Variants in CDH15 observed in about 807,000 individuals in gnomAD.
CDH15 encodes the protein cadherin-15.
CDH15 carries 73 observed loss-of-function variants against 69.4 expected under a neutral mutation model. The observed-to-expected ratio is 1.05, with a 90% CI of 0.87 to 1.28. CDH15 has a LOEUF of 1.28. CDH15 is among the 50% of genes most tolerant of loss of function. The pLI is 0.00. For synonymous variants in CDH15, 624 were observed against 507.7 expected (o/e 1.23, Z -3.08); for missense variants, 1,343 against 1,133.6 (o/e 1.18, Z -2.65).
chr16:89,180,034 G>T (rs867929754), intron 2 of CDH15, among the ~76,000 whole-genome samples, 166 bp from the exon 3 acceptor site: 1 of 152,218 alleles, frequency 6.6e-6, no homozygotes, highest in Non-Finnish European at 1.5e-5. Flanking sequence ...AGGCTGAGCT[G>T]TCCCCAGCCC....
chr16:89,176,427 G>A (rs553308823), intron 1 of CDH15, among the ~76,000 whole-genome samples: 4 of 152,272 alleles, frequency 2.6e-5, no homozygotes, highest in African/African-American at 9.6e-5. Flanking sequence ...CCCGGTTCTC[G>A]GTGCTCCATT....
Position 89,191,701 on chromosome 16 carries a change from G to T in CDH15, c.1422G>T (p.Leu474=). 6.2e-7 allele frequency: 1 copy of T among 1,603,006 alleles called. No individual in the cohort carries two copies. The part of the protein sequence containing the change: ...TATGTLSIEI[L]EVNDHAPVLA... ...CCGGCACCCTGTCCATCGAGATCCT[G>T]GAGGTGAACGACCATGCACCTGTGC... The change falls in exon 10 of 14, where the codon CTG becomes CTT. Residue 474 remains leucine, a synonymous_variant. Coordinates refer to ENST00000289746, the MANE Select transcript of CDH15 (RefSeq NM_004933.3).
Position 89,192,458 on chromosome 16 carries a change from C to A in CDH15, c.1855+14C>A. The A allele has an allele frequency of 6.4e-7, 1 of 1,563,398 alleles. No homozygotes were observed. Among genetic ancestry groups the A allele is most frequent in the Non-Finnish European group, 8.6e-7 (1 of 1,162,482 alleles). On this transcript the variant is annotated intron_variant, in intron 11 of 13. Coordinates refer to ENST00000289746, the MANE Select transcript of CDH15 (RefSeq NM_004933.3). The stretch of plus-strand genomic sequence containing the variant: ...TCCTGCTGCTGGGTGAGTGAGCGCC[C>A]CGCCTCCACCTGGACCCTCGGACCC...
At chr16:89,193,680 C>CA in intron 12 of CDH15, 74 bp downstream of exon 12, 1 of 1,569,738 alleles carries the variant, frequency 6.4e-7, no homozygotes, top group Non-Finnish European at 8.6e-7. Flanking sequence ...ACAAGCTGGC[C>CA]AGGAGCCTGT....
At chr16:89,191,918 TC>T (rs1369569869) in intron 10 of CDH15, 24 bp downstream of exon 10, 5 of 1,522,812 alleles carry the variant, frequency 3.3e-6, no homozygotes, top group Non-Finnish European at 2.6e-6. Flanking sequence ...ACCGCCGCGC[TC>T]CCCCCATCCC....
chr16:89,181,083 C>T (rs941506861), intron 3 of CDH15, among the ~76,000 whole-genome samples: 1 of 151,886 alleles, frequency 6.6e-6, no homozygotes, highest in African/African-American at 2.4e-5. Context: ...AATTCTCCTG[C>T]TTCAGCCTCC....
chr16:89,188,304 G>A lies in CDH15; in HGVS notation c.978+19G>A, dbSNP rs1915540264. The A allele has an allele frequency of 6.2e-7, 1 of 1,608,674 alleles. No homozygotes were observed. Among genetic ancestry groups the A allele is most frequent in the African/African-American group, 1.3e-5 (1 of 74,930 alleles). ...TGTGAAGGTGAGCGGCCCCCGGCTG[G>A]CACACAGATGCCGGCAGACGCAGAT... On this transcript the variant is annotated intron_variant, in intron 7 of 13. Coordinates refer to ENST00000289746, the MANE Select transcript of CDH15 (RefSeq NM_004933.3).
intron 6 of CDH15, 45 bp downstream of exon 6, chr16:89,187,602 T>G (rs759986408): frequency 1.2e-5 from 20 of 1,610,962 alleles, no homozygotes; most frequent in African/African-American, 1.3e-5. Context: ...TGCTTAGAGC[T>G]GCCTTCCCTT....
At chr16:89,186,081 G>T (rs1440499517) in intron 5 of CDH15, 1 of 142,770 alleles carries the variant, frequency 7.0e-6, no homozygotes, top group African/African-American at 2.7e-5. Context: ...CTCTGTAAAC[G>T]CTTACCCAGC....
intron 1 of CDH15, among the ~76,000 whole-genome samples, chr16:89,175,896 C>T (rs773606532): frequency 5.3e-5 from 8 of 152,346 alleles, no homozygotes; most frequent in African/African-American, 1.7e-4. Flanking sequence ...TCCTGCTGGC[C>T]GAGGACCAAG....
At chr16:89,190,958 C>G (rs775071939) in intron 8 of CDH15, among the ~76,000 whole-genome samples, 2 of 152,024 alleles carry the variant, frequency 1.3e-5, no homozygotes, top group Non-Finnish European at 2.9e-5. Flanking sequence ...GTGCTGGTGA[C>G]TGCAGCTCCC....
Position 89,179,278 on chromosome 16 carries a change from G to A in CDH15, c.43-138G>A. On this transcript the variant is annotated intron_variant, in intron 1 of 13. Transcript: ENST00000289746. ...CAGCCCCGTGTGTGGAAGCCGCCTT[G>A]CGCCAATGGGCACCGACCCGTGGGC... 3 of 951,120 alleles carry A rather than the reference G, an allele frequency of 3.2e-6. No homozygotes were observed. The South Asian group carries it at 4.5e-5, about 14-fold the overall frequency. 58.9% of individuals were successfully genotyped at this position (951,120 alleles called of 1,614,324 possible). A position where few individuals can be genotyped will look rare whatever the true frequency, so the allele number is the denominator to read the frequency against.
chr16:89,195,306 G>A lies in CDH15; in HGVS notation c.*151G>A. 1.3e-6 allele frequency: 1 copy of A among 798,090 alleles called. No homozygotes were observed. Among genetic ancestry groups the A allele is most frequent in the Non-Finnish European group, 1.9e-6 (1 of 521,062 alleles). 49.4% of individuals were successfully genotyped at this position (798,090 alleles called of 1,614,324 possible). On this transcript the variant is annotated 3_prime_UTR_variant, in exon 14 of 14. Transcript: ENST00000289746. ...GCCCAAGTCTGGGGGCAGAACCTGA[G>A]TGTGGATGGGGCGGCCAGGAAGAGG...
chr16:89,185,412 GC>G, intron 5 of CDH15, 79 bp downstream of exon 5: 2 of 1,460,026 alleles, frequency 1.4e-6, no homozygotes, highest in Non-Finnish European at 1.9e-6. Context: ...CCCCCAGCCT[GC>G]CCACCCCAGA....
At position 89,192,869 on chromosome 16, in the gene CDH15, G is replaced by C. The variant is rs116961131; in HGVS notation, c.1855+425G>C. Among the ~76,000 whole-genome samples, 184 of 60,610 alleles carry C rather than the reference G, an allele frequency of 3.0e-3. 7 individuals carry two copies. The highest frequency in any genetic ancestry group is 0.01 in the African/African-American group (146 of 14,514). 39.8% of individuals were successfully genotyped at this position (60,610 alleles called of 152,430 possible). On this transcript the variant is annotated intron_variant, in intron 11 of 13. Transcript: ENST00000289746. ...CCCGCCCCTCAGTACCAGCCACGCC[G>C]CTTCCTCCCCAGCTCCTCCTCCTCC... is the stretch of plus-strand genomic sequence containing the variant.
intron 3 of CDH15, 45 bp downstream of exon 3, chr16:89,180,400 G>C: frequency 1.3e-6 from 2 of 1,593,356 alleles, no homozygotes; most frequent in South Asian, 2.3e-5. Flanking sequence ...AGCAGGCCTG[G>C]TGGAAAGCCA....
In CDH15 at chr16:89,185,156, C is replaced by G; in HGVS notation, c.503-17C>G. On this transcript the variant is annotated splice_polypyrimidine_tract_variant and intron_variant, in intron 4 of 13. Coordinates refer to ENST00000289746, the MANE Select transcript of CDH15 (RefSeq NM_004933.3). ...GCCCTGTGGACGTTGGCCCTCACGC[C>G]TCCCTGTGCTTCCCAGGCACCTATG... The G allele has an allele frequency of 1.3e-6, 2 of 1,583,320 alleles. No individual in the cohort carries two copies. The highest frequency in any genetic ancestry group is 1.7e-6 in the Non-Finnish European group (2 of 1,165,624).
chr16:89,191,692 C>A lies in CDH15; in HGVS notation c.1413C>A (p.Ile471=). The change falls in exon 10 of 14, where the codon ATC becomes ATA. Residue 471 remains isoleucine (I), a synonymous_variant. Transcript: ENST00000289746. ...GCACCGCCACCGGCACCCTGTCCAT[C>A]GAGATCCTGGAGGTGAACGACCATG... The part of the protein sequence containing the change: ...QPRTATGTLS[I]EILEVNDHAP... The A allele has an allele frequency of 6.2e-7, 1 of 1,601,434 alleles. No individual in the cohort carries two copies. Among genetic ancestry groups the A allele is most frequent in the Non-Finnish European group, 8.5e-7 (1 of 1,178,046 alleles).
chr16:89,185,404 C>T lies in CDH15; in HGVS notation c.663+71C>T, dbSNP rs1483792894. On this transcript the variant is annotated intron_variant, in intron 5 of 13. Coordinates refer to ENST00000289746, the MANE Select transcript of CDH15 (RefSeq NM_004933.3). ...CCCATCTCCTGCGGGTCCCTCTGCC[C>T]CCAGCCTGCCCACCCCAGACGCTCC... is the stretch of plus-strand genomic sequence containing the variant. 4.0e-6 allele frequency: 6 copies of T among 1,484,222 alleles called. No individual in the cohort carries two copies. The East Asian group carries it at 1.2e-4, about 30-fold the overall frequency. 91.9% of individuals were successfully genotyped at this position (1,484,222 alleles called of 1,614,324 possible). A position where few individuals can be genotyped will look rare whatever the true frequency, so the allele number is the denominator to read the frequency against.
Sources: gnomAD v4.1 joint callset for allele counts (sites outside exome capture counted in the v4.1 genomes callset) on GRCh38, gnomAD v4.1.1 for gene constraint, MANE v1.5 for transcripts, NCBI Gene and HGNC (gene_info 2026-07-23, HGNC 2026-07-21) for gene names.